The following IL1RL2 variants were observed in gnomAD, a reference collection of about 807,000 sequenced individuals.
IL1RL2 encodes interleukin 1 receptor like 2.
IL1RL2 carries 68 observed loss-of-function variants against 66.8 expected under a neutral mutation model. The ratio of observed to expected loss-of-function variants is 1.02; its 90% CI spans 0.84 to 1.25. The LOEUF is 1.25. Ranked by LOEUF, IL1RL2 falls within the 50% of genes most tolerant of loss-of-function variation. The pLI is 0.00. For missense variants in IL1RL2, 729 were observed against 709.3 expected (o/e 1.03, Z -0.32); for synonymous variants, 305 against 264.6 (o/e 1.15, Z -1.48).
intron 10 of IL1RL2, 122 bp downstream of exon 10, chr2:102,233,246 G>C (rs1347009714): frequency 3.1e-6 from 3 of 967,472 alleles, no homozygotes; most frequent in Non-Finnish European, 4.5e-6. Context: ...GAGAGTCTAT[G>C]ACCAGCGCCC....
chr2:102,233,188 C>T (rs917923362), intron 10 of IL1RL2, 64 bp downstream of exon 10: 2 of 1,480,654 alleles, frequency 1.4e-6, no homozygotes, highest in African/African-American at 2.8e-5. Flanking sequence ...TCTGTTCCTC[C>T]ACTTTACTAA....
chr2:102,210,189 T>G (rs1329799524), intron 5 of IL1RL2, among the ~76,000 whole-genome samples: 1 of 151,962 alleles, frequency 6.6e-6, no homozygotes, highest in African/African-American at 2.4e-5. Context: ...TTTTCCAGAC[T>G]GAGGAAGTAG....
intron 9 of IL1RL2, among the ~76,000 whole-genome samples, chr2:102,231,636 G>T (rs1046924037): frequency 6.6e-6 from 1 of 151,792 alleles, no homozygotes; most frequent in Non-Finnish European, 1.5e-5. Flanking sequence ...TTTGACTCTC[G>T]TCGCCTCGTA....
chr2:102,205,307 T>G (rs1688614287), intron 5 of IL1RL2, among the ~76,000 whole-genome samples: 1 of 152,170 alleles, frequency 6.6e-6, no homozygotes, highest in Middle Eastern at 3.2e-3. Flanking sequence ...GTTACAGTGT[T>G]AAAATATTCT....
intron 5 of IL1RL2, among the ~76,000 whole-genome samples, chr2:102,209,173 T>G (rs1279681699): frequency 6.6e-6 from 1 of 152,240 alleles, no homozygotes; most frequent in Non-Finnish European, 1.5e-5. Flanking sequence ...ATTTATGATC[T>G]GTTATATGCC....
intron 9 of IL1RL2, 37 bp downstream of exon 9, chr2:102,226,078 T>C: frequency 6.6e-7 from 1 of 1,520,070 alleles, no homozygotes; most frequent in South Asian, 1.3e-5. Flanking sequence ...GCCTCAAAAT[T>C]GGTATCCTCT....
At chr2:102,217,474 C>T (rs1416984629) in intron 6 of IL1RL2, among the ~76,000 whole-genome samples, 3 of 151,864 alleles carry the variant, frequency 2.0e-5, no homozygotes, top group Non-Finnish European at 4.4e-5. Flanking sequence ...AGAAAAAGAC[C>T]AAAAGGCCCA....
At chr2:102,198,630 A>C (rs1002400180) in intron 4 of IL1RL2, among the ~76,000 whole-genome samples, 3 of 152,134 alleles carry the variant, frequency 2.0e-5, no homozygotes, top group Admixed American at 2.0e-4. Context: ...TCTAAGACTT[A>C]TTCTTTGTCT....
rs1290652670 is a variant in IL1RL2 at position 102,239,407 on chromosome 2, T to C, written c.*166T>C. 3.2e-6 allele frequency: 2 copies of C among 626,678 alleles called. No homozygotes were observed. The highest frequency in any genetic ancestry group is 5.8e-6 in the Non-Finnish European group (2 of 343,958). The allele number at this position is 626,678 out of a possible 1,614,324, so 38.8% of individuals were successfully genotyped here. The stretch of plus-strand genomic sequence containing the variant: ...GAGGATGGGATAAGAACTGGGGCCA[T>C]CCCCATGTCATGGTGGGTGAGAGCT... On this transcript the variant is annotated 3_prime_UTR_variant, in exon 12 of 12. Coordinates refer to ENST00000264257, the MANE Select transcript of IL1RL2 (RefSeq NM_003854.4).
chr2:102,186,973 C>T (rs1450441008), upstream of IL1RL2: 1 of 1,279,128 alleles, frequency 7.8e-7, no homozygotes, highest in Non-Finnish European at 1.0e-6. Context: ...GCAGGTCTGC[C>T]CCGCCCACGG....
chr2:102,192,075 G>A lies in IL1RL2; in HGVS notation c.444G>A (p.Leu148=), dbSNP rs755869175. Residue 148 remains leucine, a synonymous_variant, in exon 4 of 12, where the codon CTG becomes CTA. Transcript: ENST00000264257. The stretch of plus-strand genomic sequence containing the variant: ...AAGATGATAGTCTCACATGTCATCT[G>A]CACTTCCCGAAGAGTTGTGTTTTGG... ...LGKDDSLTCH[L]HFPKSCVLGP... is the part of the protein sequence containing the mutation. The A allele has an allele frequency of 6.2e-7, 1 of 1,605,562 alleles. No homozygotes were observed. Among genetic ancestry groups the A allele is most frequent in the South Asian group, 1.1e-5 (1 of 89,220 alleles).
At chr2:102,221,668 A>G (rs1559553707) in intron 8 of IL1RL2, among the ~76,000 whole-genome samples, 1 of 151,866 alleles carries the variant, frequency 6.6e-6, no homozygotes, top group Non-Finnish European at 1.5e-5. Flanking sequence ...CCTGCCCTAC[A>G]CTTTAAGGTC....
chr2:102,191,539 G>A (rs775730142), intron 3 of IL1RL2, among the ~76,000 whole-genome samples: 4 of 152,102 alleles, frequency 2.6e-5, no homozygotes, highest in Non-Finnish European at 4.4e-5. Context: ...ACATTTTTAA[G>A]AACTGTAAGC....
At chr2:102,226,260 T>A (rs1223200584) in intron 9 of IL1RL2, among the ~76,000 whole-genome samples, 1 of 152,170 alleles carries the variant, frequency 6.6e-6, no homozygotes, top group East Asian at 1.9e-4. Context: ...ATTGAGGAAA[T>A]ATTTGCTAAG....
Position 102,235,128 on chromosome 2 carries a change from C to T in IL1RL2, c.1529C>T (p.Ala510Val), listed in dbSNP as rs111997166. ...CAGTACATCAAACAGAAGCATGGTG[C>T]CATCCGGTGGCATGGGGACTTCACG... The part of the protein sequence containing the change: ...SIQYIKQKHG[A>V]IRWHGDFTEQ... The change falls in exon 11 of 12, where the codon GCC (alanine) becomes GTC (valine). Residue 510 changes from alanine to valine, a missense_variant. Coordinates refer to ENST00000264257, the MANE Select transcript of IL1RL2 (RefSeq NM_003854.4). The T allele has an allele frequency of 1.2e-4, 198 of 1,614,188 alleles. 2 individuals carry two copies. In the African/African-American group the frequency reaches 2.4e-3, roughly 19 times the overall value.
chr2:102,207,319 TA>T (rs1176254132), intron 5 of IL1RL2, among the ~76,000 whole-genome samples: 5 of 152,204 alleles, frequency 3.3e-5, no homozygotes, highest in African/African-American at 1.2e-4. Context: ...TTTTGCCCTA[TA>T]ATCACTGCAG....
At chr2:102,231,517 AAAAT>A (rs1691129801) in intron 9 of IL1RL2, among the ~76,000 whole-genome samples, 1 of 79,018 alleles carries the variant, frequency 1.3e-5, no homozygotes, top group East Asian at 3.8e-4. Context: ...ATAAAAAAAT[AAAAT>A]AAAATAAAAT....
chr2:102,190,029 C>T (rs1232459837), intron 3 of IL1RL2, among the ~76,000 whole-genome samples: 2 of 152,190 alleles, frequency 1.3e-5, no homozygotes, highest in African/African-American at 4.8e-5. Context: ...CCTATGAGCG[C>T]TTTTCACGAG....
intron 8 of IL1RL2, among the ~76,000 whole-genome samples, chr2:102,225,684 A>T (rs1249256043): frequency 6.6e-6 from 1 of 152,156 alleles, no homozygotes; most frequent in Non-Finnish European, 1.5e-5. Flanking sequence ...CCAGGAGCTG[A>T]CTTGTTTCCT....
Sources: allele counts gnomAD v4.1 joint callset (sites outside exome capture counted in the v4.1 genomes callset), GRCh38; gene constraint gnomAD v4.1.1; transcripts MANE v1.5; gene names NCBI Gene and HGNC (gene_info 2026-07-23, HGNC 2026-07-21).